BMP8A: variants seen among roughly 807,000 people sequenced by gnomAD.
BMP8A encodes BMP-8A.
In BMP8A, 14 loss-of-function variants were observed where a neutral mutation model predicts 36.8. The observed-to-expected ratio is 0.38, with a 90% CI of 0.25 to 0.60. The LOEUF (loss-of-function observed/expected upper bound fraction) is 0.60. Ranked by LOEUF, BMP8A falls within the 20% of genes least tolerant of loss-of-function variation. The pLI, the probability that BMP8A is intolerant of heterozygous loss-of-function variation, is 0.63. For missense variants in BMP8A, 267 were observed against 551.1 expected (o/e 0.48, Z 5.16); for synonymous variants, 120 against 237.7 (o/e 0.50, Z 4.55).
Position 39,526,195 on chromosome 1 carries a change from G to A in BMP8A, c.*397G>A, listed in dbSNP as rs1172419187. 6.6e-6 allele frequency among the ~76,000 whole-genome samples: 1 copy of A among 152,126 alleles called. No homozygotes were observed. Among genetic ancestry groups the A allele is most frequent in the East Asian group, 1.9e-4 (1 of 5,202 alleles). On this transcript the variant is annotated 3_prime_UTR_variant, in exon 7 of 7. Coordinates refer to ENST00000331593, the MANE Select transcript of BMP8A (RefSeq NM_181809.4). ...GGAGAAGGGCTCTGCCTCTTCCCAG[G>A]TACAACACTGGCCATTTCTGGGCAA...
chr1:39,497,874 G>T (rs74069341), intron 1 of BMP8A, among the ~76,000 whole-genome samples: 3,927 of 152,288 alleles, frequency 0.026, 166 homozygotes, highest in African/African-American at 0.087. Flanking sequence ...CTGTGTGGGG[G>T]CCAACAATGG....
chr1:39,504,503 C>A (rs1237273395), intron 1 of BMP8A, among the ~76,000 whole-genome samples: 1 of 152,154 alleles, frequency 6.6e-6, no homozygotes, highest in East Asian at 1.9e-4. Flanking sequence ...CATCTCAATG[C>A]AGTAAAGAGC....
intron 1 of BMP8A, among the ~76,000 whole-genome samples, chr1:39,504,833 G>A (rs544064436): frequency 6.6e-6 from 1 of 152,248 alleles, no homozygotes; most frequent in South Asian, 2.1e-4. Context: ...GGGTAATGGT[G>A]GGGAGAGGGT....
At chr1:39,525,156 G>A (rs956741741) in intron 6 of BMP8A, 36 of 161,094 alleles carry the variant, frequency 2.2e-4, no homozygotes, top group Middle Eastern at 3.1e-3. Context: ...AGTCCTCTGG[G>A]AGAAGGAGCA....
At chr1:39,501,531 T>C (rs1460052982) in intron 1 of BMP8A, among the ~76,000 whole-genome samples, 1 of 152,152 alleles carries the variant, frequency 6.6e-6, no homozygotes, top group African/African-American at 2.4e-5. Flanking sequence ...TGTTTGTTTG[T>C]TTGTTTTGTT....
intron 1 of BMP8A, among the ~76,000 whole-genome samples, chr1:39,496,696 G>A (rs1038870212): frequency 5.3e-5 from 8 of 152,132 alleles, no homozygotes; most frequent in African/African-American, 1.9e-4. Context: ...TTTTCCCAAG[G>A]CCACACAGCA....
intron 1 of BMP8A, among the ~76,000 whole-genome samples, chr1:39,494,835 C>G (rs1645191297): frequency 1.3e-5 from 2 of 152,194 alleles, no homozygotes; most frequent in African/African-American, 4.8e-5. Context: ...GCTCTGAGCA[C>G]TTCATGAAGA....
chr1:39,508,571 A>G lies in BMP8A; in HGVS notation c.335-2603A>G, dbSNP rs1235360974. On this transcript the variant is annotated intron_variant, in intron 1 of 6. Coordinates refer to ENST00000331593, the MANE Select transcript of BMP8A (RefSeq NM_181809.4). ...CTGGCCAGAGAATCTACCCTTTTCA[A>G]TGCTCTCTTAGCAGCTAAAGCAGGG... is the stretch of plus-strand genomic sequence containing the variant. Among the ~76,000 whole-genome samples, 5 of 152,230 alleles carry G rather than the reference A, an allele frequency of 3.3e-5. No individual in the cohort carries two copies. The East Asian group carries it at 7.7e-4, about 23-fold the overall frequency.
intron 1 of BMP8A, among the ~76,000 whole-genome samples, chr1:39,495,300 T>C (rs1047216271): frequency 3.9e-5 from 6 of 152,126 alleles, no homozygotes; most frequent in Non-Finnish European, 8.8e-5. Flanking sequence ...CACCCATGGG[T>C]TCAGGCCTCC....
At chr1:39,519,658 A>G (rs1645417302) in intron 3 of BMP8A, among the ~76,000 whole-genome samples, 1 of 151,540 alleles carries the variant, frequency 6.6e-6, no homozygotes, top group Non-Finnish European at 1.5e-5. Context: ...GCTGAGGCAC[A>G]GCTGCTTAAG....
intron 1 of BMP8A, among the ~76,000 whole-genome samples, chr1:39,493,617 A>C (rs567964288): frequency 2.0e-5 from 3 of 152,346 alleles, no homozygotes; most frequent in African/African-American, 7.2e-5. Flanking sequence ...GCTTCCCGCA[A>C]CCCAGAGCTG....
rs1465714066 is a variant in BMP8A, at chr1:39,526,780, T to C, written c.*982T>C. On this transcript the variant is annotated 3_prime_UTR_variant, in exon 7 of 7. Transcript: ENST00000331593. Reference sequence around the variant, plus strand: ...CACCATCTCTACCATGCTGACCCATTTGGGGCTCAGCACTGAGACAGAGGC... The same window carrying C: ...CACCATCTCTACCATGCTGACCCATCTGGGGCTCAGCACTGAGACAGAGGC... Among the ~76,000 whole-genome samples the C allele has an allele frequency of 1.3e-5, 2 of 152,128 alleles. No homozygotes were observed. Among genetic ancestry groups the C allele is most frequent in the Admixed American group, 6.5e-5 (1 of 15,288 alleles).
At chr1:39,497,164 G>A (rs1329455996) in intron 1 of BMP8A, among the ~76,000 whole-genome samples, 1 of 152,080 alleles carries the variant, frequency 6.6e-6, no homozygotes, top group Non-Finnish European at 1.5e-5. Context: ...ACATACCACA[G>A]TCCATCCATT....
intron 1 of BMP8A, among the ~76,000 whole-genome samples, chr1:39,505,321 C>A (rs940666916): frequency 6.6e-6 from 1 of 152,178 alleles, no homozygotes; most frequent in Non-Finnish European, 1.5e-5. Flanking sequence ...GTACTCAAGA[C>A]TGGAGAATGG....
chr1:39,504,555 T>G (rs2124335992), intron 1 of BMP8A, among the ~76,000 whole-genome samples: 1 of 152,324 alleles, frequency 6.6e-6, no homozygotes, highest in Non-Finnish European at 1.5e-5. Context: ...AGTGTGAGAC[T>G]CTTAATCTCA....
At chr1:39,523,329 C>T (rs532342109) in intron 6 of BMP8A, among the ~76,000 whole-genome samples, 57 of 152,354 alleles carry the variant, frequency 3.7e-4, no homozygotes, top group African/African-American at 1.3e-3. Context: ...CACACCCAAA[C>T]ACGGACACAC....
intron 1 of BMP8A, among the ~76,000 whole-genome samples, chr1:39,500,219 A>G (rs191019356): frequency 1.3e-5 from 2 of 152,194 alleles, no homozygotes; most frequent in African/African-American, 2.4e-5. Context: ...TCCTTCTCCT[A>G]CAGTCGAGGG....
chr1:39,526,335 G>T lies in BMP8A; in HGVS notation c.*537G>T, dbSNP rs1322388312. Among the ~76,000 whole-genome samples the T allele has an allele frequency of 6.7e-6, 1 of 149,540 alleles. No homozygotes were observed. Among genetic ancestry groups the T allele is most frequent in the Non-Finnish European group, 1.5e-5 (1 of 67,660 alleles). On this transcript the variant is annotated 3_prime_UTR_variant, in exon 7 of 7. Coordinates refer to ENST00000331593, the MANE Select transcript of BMP8A (RefSeq NM_181809.4). ...AGCTGGACATCCCCACGAAGCCACTGGGGATTTTTTTTTTTTTTTTCCAGA... is the reference window on the plus strand; with the variant it reads ...AGCTGGACATCCCCACGAAGCCACTTGGGATTTTTTTTTTTTTTTTCCAGA...
At chr1:39,501,823 T>C (rs184303557) in intron 1 of BMP8A, among the ~76,000 whole-genome samples, 32 of 152,310 alleles carry the variant, frequency 2.1e-4, no homozygotes, top group African/African-American at 7.5e-4. Flanking sequence ...GCTAGATTAC[T>C]GCCAGATTTC....
Sources: gnomAD v4.1 joint callset for allele counts (sites outside exome capture counted in the v4.1 genomes callset) on GRCh38, gnomAD v4.1.1 for gene constraint, MANE v1.5 for transcripts, NCBI Gene and HGNC (gene_info 2026-07-23, HGNC 2026-07-21) for gene names.